Variants in AGAP1 observed in about 807,000 individuals in gnomAD.
The protein encoded by AGAP1 is arf-GAP with GTPase, ANK repeat and PH domain-containing protein 1.
In AGAP1, 29 loss-of-function variants were observed where a neutral mutation model predicts 105.3. The ratio of observed to expected loss-of-function variants is 0.28; its 90% CI spans 0.21 to 0.38. AGAP1 has a LOEUF of 0.38. AGAP1 is among the 10% of genes least tolerant of loss of function. The pLI is 1.00. For missense variants in AGAP1, 998 were observed against 1,165.1 expected (o/e 0.86, Z 2.09); for synonymous variants, 509 against 485.9 (o/e 1.05, Z -0.63).
At position 235,931,582 on chromosome 2, in the gene AGAP1, C is replaced by T. The variant is rs1022737660; in HGVS notation, c.1483+659C>T. ...TGGCTGCAGCAGGGTTTGCCTGTGGCGTTTTGTCTCTGGCCTGTTCACCGG... is the reference window on the plus strand; with the variant it reads ...TGGCTGCAGCAGGGTTTGCCTGTGGTGTTTTGTCTCTGGCCTGTTCACCGG... On this transcript the variant is annotated intron_variant, in intron 12 of 17. Coordinates refer to ENST00000304032, the MANE Select transcript of AGAP1 (RefSeq NM_001037131.3). The surrounding 1 kb of genome is among the most constrained non-coding windows in gnomAD (Gnocchi z 5.6). Among the ~76,000 whole-genome samples the T allele has an allele frequency of 5.9e-5, 9 of 151,834 alleles. No individual in the cohort carries two copies. The highest frequency in any genetic ancestry group is 2.0e-4 in the Admixed American group (3 of 15,220).
rs553113198 is a variant in AGAP1, at chr2:236,003,523, T to A, written c.1646-33038T>A. Among the ~76,000 whole-genome samples the A allele has an allele frequency of 9.2e-5, 14 of 152,334 alleles. No homozygotes were observed. The highest frequency in any genetic ancestry group is 8.5e-4 in the Admixed American group (13 of 15,308). The stretch of plus-strand genomic sequence containing the variant: ...ACTCTGAGCACAGACAAGGGACCCA[T>A]GGCCCAGAGCCCAGAGTCACCCGCA... On this transcript the variant is annotated intron_variant, in intron 13 of 17. Coordinates refer to ENST00000304032, the MANE Select transcript of AGAP1 (RefSeq NM_001037131.3). This position sits in a 1 kb window ranked among gnomAD's most constrained non-coding sequence, Gnocchi z 4.2.
At chr2:235,838,748 C>T (rs927386439) in intron 9 of AGAP1, among the ~76,000 whole-genome samples, 1 of 152,224 alleles carries the variant, frequency 6.6e-6, no homozygotes, top group South Asian at 2.1e-4. Context: ...TCATTTGCTT[C>T]GCTTTCCATG....
chr2:236,103,803 G>T (rs1376434779), intron 16 of AGAP1, among the ~76,000 whole-genome samples: 1 of 151,934 alleles, frequency 6.6e-6, no homozygotes, highest in African/African-American at 2.4e-5. Flanking sequence ...TCCTGACCTC[G>T]TGGTCTGCCA....
intron 1 of AGAP1, among the ~76,000 whole-genome samples, chr2:235,592,474 G>A (rs962996044): frequency 1.3e-5 from 2 of 152,300 alleles, no homozygotes; most frequent in African/African-American, 4.8e-5. Context: ...GGGTTTTGGA[G>A]GGCAGGGCTC....
At chr2:236,011,494 T>C (rs2056512212) in intron 13 of AGAP1, among the ~76,000 whole-genome samples, 2 of 152,206 alleles carry the variant, frequency 1.3e-5, no homozygotes, top group South Asian at 4.1e-4. Context: ...ATGGGAGGCA[T>C]TGTGAAACTC....
rs978663934 is a variant in AGAP1, at chr2:236,035,084, G to A, written c.1646-1477G>A. 5.9e-5 allele frequency among the ~76,000 whole-genome samples: 9 copies of A among 152,224 alleles called. No homozygotes were observed. The highest frequency in any genetic ancestry group is 2.2e-4 in the African/African-American group (9 of 41,466). Reference sequence around the variant, plus strand: ...GGCCTGGGAGAGCCAGTCTAGGTGAGGTCAGTAAGCCGTGCTTGGAAGCTG... The same window carrying A: ...GGCCTGGGAGAGCCAGTCTAGGTGAAGTCAGTAAGCCGTGCTTGGAAGCTG... On this transcript the variant is annotated intron_variant, in intron 13 of 17. Transcript: ENST00000304032. This position sits in a 1 kb window ranked among gnomAD's most constrained non-coding sequence, Gnocchi z 4.2.
chr2:235,637,352 A>G (rs1285033217), intron 1 of AGAP1, among the ~76,000 whole-genome samples: 1 of 152,132 alleles, frequency 6.6e-6, no homozygotes, highest in African/African-American at 2.4e-5. Flanking sequence ...AGCTCACTGC[A>G]GCCTCGACCT....
chr2:235,678,780 C>T (rs748774474), intron 1 of AGAP1, among the ~76,000 whole-genome samples: 1 of 152,036 alleles, frequency 6.6e-6, no homozygotes, highest in Non-Finnish European at 1.5e-5. Flanking sequence ...GCCGGCTCAC[C>T]TGAGACGTAG....
rs576665475 is a variant in AGAP1, at chr2:235,977,942, G to A, written c.1645+9319G>A. Reference sequence around the variant, plus strand: ...TGAAGGCTGCAAAGTCCAAGATCACGGCACCAGCTGATTCTCTTCCTAGGG... The same window carrying A: ...TGAAGGCTGCAAAGTCCAAGATCACAGCACCAGCTGATTCTCTTCCTAGGG... On this transcript the variant is annotated intron_variant, in intron 13 of 17. Coordinates refer to ENST00000304032, the MANE Select transcript of AGAP1 (RefSeq NM_001037131.3). The surrounding 1 kb of genome is among the most constrained non-coding windows in gnomAD (Gnocchi z 5.2). Among the ~76,000 whole-genome samples the A allele has an allele frequency of 2.0e-4, 31 of 152,214 alleles. No individual in the cohort carries two copies. The highest frequency in any genetic ancestry group is 5.9e-4 in the Admixed American group (9 of 15,300).
At position 236,127,179 on chromosome 2, in the gene AGAP1, G is replaced by A. The variant is rs2060017045; in HGVS notation, c.*3057G>A. The A allele has an allele frequency of 6.6e-6, 1 of 152,232 alleles. No individual in the cohort carries two copies. The highest frequency in any genetic ancestry group is 2.4e-5 in the African/African-American group (1 of 41,454). The allele number at this position is 152,232 out of a possible 1,614,324, so 9.4% of individuals were successfully genotyped here. On this transcript the variant is annotated 3_prime_UTR_variant, in exon 18 of 18. Coordinates refer to ENST00000304032, the MANE Select transcript of AGAP1 (RefSeq NM_001037131.3). The surrounding 1 kb of genome is among the most constrained non-coding windows in gnomAD (Gnocchi z 6.6). ...AGACTGAACTTGGCGGGGAGTGGAGGGGTGTGGTGCAGACCTGGCTGCAGC... is the reference window on the plus strand; with the variant it reads ...AGACTGAACTTGGCGGGGAGTGGAGAGGTGTGGTGCAGACCTGGCTGCAGC...
At position 235,553,018 on chromosome 2, in the gene AGAP1, A is replaced by G. The variant is rs1030239245; in HGVS notation, c.163+58169A>G. On this transcript the variant is annotated intron_variant, in intron 1 of 17. Transcript: ENST00000304032. The surrounding 1 kb of genome is among the most constrained non-coding windows in gnomAD (Gnocchi z 4.5). ...CAGCCACATCTGGGTTTCAGTTTTC[A>G]GTCAGCTCCCTAGCTGGGTGGTTCC... Among the ~76,000 whole-genome samples, 65 of 152,350 alleles carry G rather than the reference A, an allele frequency of 4.3e-4. No individual in the cohort carries two copies. Among genetic ancestry groups the G allele is most frequent in the African/African-American group, 1.3e-3 (55 of 41,580 alleles).
At chr2:235,835,288 T>C (rs78417388) in intron 9 of AGAP1, among the ~76,000 whole-genome samples, 6,643 of 152,280 alleles carry the variant, frequency 0.044, 461 homozygotes, top group African/African-American at 0.15. Context: ...TCAGAGCCTG[T>C]ACACCCCAAC....
chr2:235,851,440 C>T (rs1050896823), intron 9 of AGAP1, among the ~76,000 whole-genome samples: 4 of 152,212 alleles, frequency 2.6e-5, no homozygotes, highest in African/African-American at 7.2e-5. Context: ...TTCACCCGTC[C>T]ACCAACGCAC....
chr2:235,914,178 G>T (rs2051760958), intron 11 of AGAP1, among the ~76,000 whole-genome samples: 1 of 152,130 alleles, frequency 6.6e-6, no homozygotes, highest in Non-Finnish European at 1.5e-5. Context: ...GGATGTTTCT[G>T]TTGATTCTCT....
At chr2:235,947,765 G>A (rs78634734) in intron 12 of AGAP1, among the ~76,000 whole-genome samples, 2 of 152,212 alleles carry the variant, frequency 1.3e-5, no homozygotes, top group African/African-American at 4.8e-5. Flanking sequence ...CAGGTATCAG[G>A]TGGTAGAATG....
At chr2:235,991,718 C>T (rs1316830256) in intron 13 of AGAP1, among the ~76,000 whole-genome samples, 1 of 152,194 alleles carries the variant, frequency 6.6e-6, no homozygotes, top group South Asian at 2.1e-4. Flanking sequence ...GGCTATCTTG[C>T]TTCATGGGTA....
chr2:235,799,401 C>A lies in AGAP1; in HGVS notation c.836C>A (p.Ser279Tyr). ...SNGGGSLSDY[S>Y]SSVPSTPSTS... ...GGAGGTGGGAGTTTAAGCGACTATT[C>A]CTCCTCCGTTCCATCGACTCCCAGC... The change falls in exon 8 of 18, where the codon TCC becomes TAC. Residue 279 changes from serine (S) to tyrosine (Y), a missense_variant. Around this residue, in one of 3 missense-constraint regions of AGAP1, gnomAD observed 735 missense variants for 833.4 expected, o/e 0.88. Coordinates refer to ENST00000304032, the MANE Select transcript of AGAP1 (RefSeq NM_001037131.3). The surrounding 1 kb of genome is among the most constrained non-coding windows in gnomAD (Gnocchi z 5.0). 1 of 1,614,102 alleles carries A rather than the reference C, an allele frequency of 6.2e-7. No homozygotes were observed. The highest frequency in any genetic ancestry group is 8.5e-7 in the Non-Finnish European group (1 of 1,180,018).
intron 1 of AGAP1, among the ~76,000 whole-genome samples, chr2:235,588,179 G>A (rs559344108): frequency 1.3e-5 from 2 of 150,574 alleles, no homozygotes; most frequent in Admixed American, 6.6e-5. Flanking sequence ...GCAGTGAACC[G>A]AGATTGTACC....
At chr2:235,594,126 G>T (rs894914673) in intron 1 of AGAP1, among the ~76,000 whole-genome samples, 3 of 152,156 alleles carry the variant, frequency 2.0e-5, no homozygotes, top group African/African-American at 7.2e-5. Flanking sequence ...AGTGGAGATT[G>T]AGATGTTAAA....
Sources: allele counts gnomAD v4.1 joint callset (sites outside exome capture counted in the v4.1 genomes callset), GRCh38; gene constraint gnomAD v4.1.1; regional missense constraint gnomAD v4.1.1; non-coding constraint Gnocchi (gnomAD v3.1); transcripts MANE v1.5; gene names NCBI Gene and HGNC (gene_info 2026-07-23, HGNC 2026-07-21).